PDIA5: variants seen among roughly 807,000 people sequenced by gnomAD.
PDIA5 encodes protein disulfide-isomerase A5.
In PDIA5, 58 loss-of-function variants were observed where a neutral mutation model predicts 77.6. The ratio of observed to expected loss-of-function variants is 0.75; its 90% CI spans 0.61 to 0.93. PDIA5 has a LOEUF of 0.93. PDIA5 is among the 40% of genes least tolerant of loss of function. PDIA5 has a pLI of 0.00. For synonymous variants in PDIA5, 250 were observed against 252.1 expected, an observed-to-expected ratio of 0.99 and a Z score of 0.08; for missense variants, 630 against 647.7, an observed-to-expected ratio of 0.97 and a Z score of 0.30.
chr3:123,083,953 T>G (rs1317131142), intron 1 of PDIA5, among the ~76,000 whole-genome samples: 1 of 152,116 alleles, frequency 6.6e-6, no homozygotes, highest in African/African-American at 2.4e-5. Context: ...CCCACTTGTC[T>G]GCATCTGTGG....
intron 3 of PDIA5, among the ~76,000 whole-genome samples, chr3:123,098,197 C>A (rs143565691): frequency 9.9e-5 from 15 of 152,122 alleles, no homozygotes; most frequent in African/African-American, 3.6e-4. Flanking sequence ...TGGATAACTC[C>A]GGCATTTTGC....
intron 14 of PDIA5, among the ~76,000 whole-genome samples, chr3:123,153,173 C>T (rs2107990350): frequency 6.6e-6 from 1 of 152,176 alleles, no homozygotes; most frequent in South Asian, 2.1e-4. Flanking sequence ...TTGATGGTAA[C>T]AGGAATTTAC....
intron 14 of PDIA5, among the ~76,000 whole-genome samples, chr3:123,154,126 C>CT (rs1935969509): frequency 6.6e-6 from 1 of 152,138 alleles, no homozygotes; most frequent in Non-Finnish European, 1.5e-5. Context: ...AGAAAGTGGC[C>CT]CCCACAGAGG....
chr3:123,085,722 G>A (rs373010857), intron 1 of PDIA5, among the ~76,000 whole-genome samples: 29 of 152,296 alleles, frequency 1.9e-4, no homozygotes, highest in African/African-American at 6.5e-4. Flanking sequence ...TTCCAGAAGC[G>A]TGGGTGCCTA....
intron 11 of PDIA5, among the ~76,000 whole-genome samples, chr3:123,140,772 G>A (rs764150969): frequency 7.9e-5 from 12 of 152,216 alleles, no homozygotes; most frequent in African/African-American, 1.4e-4. Context: ...CACAGACAGC[G>A]AGTGCTTTCC....
At chr3:123,148,169 A>G (rs1445088825) in intron 13 of PDIA5, among the ~76,000 whole-genome samples, 2 of 152,200 alleles carry the variant, frequency 1.3e-5, no homozygotes, top group African/African-American at 2.4e-5. Context: ...CCAGTTTCCT[A>G]TCTGTAAGAT....
intron 12 of PDIA5, 83 bp from the exon 13 acceptor site, chr3:123,146,016 G>A (rs942518734): frequency 2.2e-6 from 3 of 1,343,370 alleles, no homozygotes; most frequent in Non-Finnish European, 2.1e-6. Flanking sequence ...AGGATGGGTT[G>A]TGGGGGCAGC....
chr3:123,096,790 G>A (rs1361864793), intron 3 of PDIA5, among the ~76,000 whole-genome samples: 4 of 152,174 alleles, frequency 2.6e-5, no homozygotes, highest in East Asian at 1.9e-4. Flanking sequence ...ATGGTTGTCC[G>A]GCTGTTAAGC....
rs861375 is a variant in PDIA5, at chr3:123,124,263, G to T, written c.702-9G>T. ...GACTGAGCCCACGTTGTTTCTCCAC[G>T]TTTCACAGGAAAGGACGGTTCTTGT... On this transcript the variant is annotated splice_polypyrimidine_tract_variant and intron_variant, in intron 9 of 16. Coordinates refer to ENST00000316218, the MANE Select transcript of PDIA5 (RefSeq NM_006810.4). The T allele has an allele frequency of 0.76, 1,223,789 of 1,608,614 alleles. 471,212 individuals are homozygous for T. Among genetic ancestry groups the T allele is most frequent in the Non-Finnish European group, 0.8 (934,795 of 1,175,186 alleles).
rs4677876 is a variant in PDIA5, at chr3:123,131,281, G to A, written c.910+665G>A. Among the ~76,000 whole-genome samples the A allele has an allele frequency of 3.3e-3, 494 of 151,908 alleles. 10 individuals carry two copies. Among genetic ancestry groups the A allele is most frequent in the Admixed American group, 0.027 (406 of 15,250 alleles). On this transcript the variant is annotated intron_variant, in intron 11 of 16. Coordinates refer to ENST00000316218, the MANE Select transcript of PDIA5 (RefSeq NM_006810.4). ...CAAGACCCTGTCTCATTAGCCGGGC[G>A]TGGTGGCGTGCACCTATAATCCCAG...
rs764429278 is a variant in PDIA5 at position 123,161,450 on chromosome 3, C to G, written c.1474C>G (p.Arg492Gly). The G allele has an allele frequency of 6.2e-7, 1 of 1,613,558 alleles. No homozygotes were observed. The highest frequency in any genetic ancestry group is 1.1e-5 in the South Asian group (1 of 91,038). The change falls in exon 16 of 17, where the codon CGC (arginine) becomes GGC (glycine). Residue 492 changes from arginine to glycine, a missense_variant. By Grantham distance (125) the Arg-to-Gly change is moderately radical. Transcript: ENST00000316218. ...GKFAEKYDSD[R>G]TELGFTNYIR... ...GTTCGCAGAAAAGTATGACAGCGAC[C>G]GCACAGTAAGTGGGGGAGAGGCGTC...
At chr3:123,140,198 G>T (rs1320039477) in intron 11 of PDIA5, among the ~76,000 whole-genome samples, 1 of 152,034 alleles carries the variant, frequency 6.6e-6, no homozygotes, top group Non-Finnish European at 1.5e-5. Flanking sequence ...AATGAACTTG[G>T]TGTGTTGGGA....
intron 8 of PDIA5, among the ~76,000 whole-genome samples, chr3:123,117,023 G>A (rs1935012221): frequency 6.6e-6 from 1 of 150,752 alleles, no homozygotes; most frequent in South Asian, 2.1e-4. Context: ...TTGTGGGGGA[G>A]AAGAGAGCTG....
chr3:123,161,727 C>T (rs182980251), intron 16 of PDIA5, 153 bp from the exon 17 acceptor site: 1 of 685,388 alleles, frequency 1.5e-6, no homozygotes, highest in Admixed American at 2.8e-5. Context: ...TGGTGCAAGC[C>T]ACGCAGACCC....
intron 8 of PDIA5, among the ~76,000 whole-genome samples, chr3:123,118,132 T>C (rs1159820798): frequency 6.6e-6 from 1 of 152,216 alleles, no homozygotes; most frequent in Admixed American, 6.5e-5. Context: ...AAGATGGGGC[T>C]GCAGAGAGCC....
chr3:123,109,548 C>T (rs1243422569), intron 6 of PDIA5, among the ~76,000 whole-genome samples: 12 of 152,102 alleles, frequency 7.9e-5, no homozygotes, highest in East Asian at 3.9e-4. Context: ...TCTCTAGTTA[C>T]GTAAACAAAG....
intron 11 of PDIA5, 90 bp downstream of exon 11, chr3:123,130,706 A>T (rs1935353427): frequency 6.7e-7 from 1 of 1,483,426 alleles, no homozygotes; most frequent in Admixed American, 1.7e-5. Context: ...CCCAGGAAGC[A>T]CTTATTTTTT....
intron 10 of PDIA5, among the ~76,000 whole-genome samples, chr3:123,126,814 A>G (rs1007449569): frequency 6.6e-6 from 1 of 152,214 alleles, no homozygotes; most frequent in South Asian, 2.1e-4. Context: ...CTGCCCTTCA[A>G]TGCGTGACTC....
At chr3:123,084,465 C>G (rs1934084001) in intron 1 of PDIA5, among the ~76,000 whole-genome samples, 1 of 152,068 alleles carries the variant, frequency 6.6e-6, no homozygotes, top group African/African-American at 2.4e-5. Flanking sequence ...CCACCTCCCT[C>G]TTGGTCCTGC....
Sources: allele counts gnomAD v4.1 joint callset (sites outside exome capture counted in the v4.1 genomes callset), GRCh38; gene constraint gnomAD v4.1.1; transcripts MANE v1.5; gene names NCBI Gene and HGNC (gene_info 2026-07-23, HGNC 2026-07-21).